The following FCGR1A variants were observed in gnomAD, a reference collection of about 807,000 sequenced individuals.
The protein encoded by FCGR1A is high affinity immunoglobulin gamma Fc receptor I.
Under a neutral mutation model 35.0 loss-of-function variants are expected in FCGR1A, and 13 were observed. The ratio of observed to expected loss-of-function variants is 0.37; its 90% CI spans 0.24 to 0.59. FCGR1A has a LOEUF of 0.59. FCGR1A is among the 20% of genes least tolerant of loss of function. The pLI is 0.71. For synonymous variants in FCGR1A, 91 were observed against 164.7 expected, an observed-to-expected ratio of 0.55 and a Z score of 3.43; for missense variants, 227 against 430.0, an observed-to-expected ratio of 0.53 and a Z score of 4.17.
At chr1:149,796,264 G>C (rs1396312488), downstream of FCGR1A, among the ~76,000 whole-genome samples, 4 of 152,292 alleles carry the variant, frequency 2.6e-5, no homozygotes, top group Non-Finnish European at 4.4e-5. Flanking sequence ...GAGCATATGT[G>C]AAAGTAAAAG....
chr1:149,789,975 G>A, intron 4 of FCGR1A, 79 bp from the exon 5 acceptor site: 1 of 1,612,352 alleles, frequency 6.2e-7, no homozygotes, highest in Non-Finnish European at 8.5e-7. Context: ...GTTTCCCAAG[G>A]GGGTAAAGGG....
Position 149,788,373 on chromosome 1 carries a change from A to G in FCGR1A, c.315A>G (p.Leu105=), listed in dbSNP as rs147688465. 1 of 1,612,786 alleles carries G rather than the reference A, an allele frequency of 6.2e-7. No individual in the cohort carries two copies. The highest frequency in any genetic ancestry group is 2.2e-5 in the East Asian group (1 of 44,876). ...TGGGTTCATATTTTTCAGGCTGGCT[A>G]CTACTGCAGGTCTCCAGCAGAGTCT... The part of the protein sequence containing the change: ...PIQLEIHRGW[L]LLQVSSRVFT... The change falls in exon 4 of 6, where the codon CTA becomes CTG. Residue 105 remains leucine, a synonymous_variant. Coordinates refer to ENST00000369168, the MANE Select transcript of FCGR1A (RefSeq NM_000566.4).
At position 149,787,262 on chromosome 1, in the gene FCGR1A, A is replaced by AT. The variant is rs2091577191; in HGVS notation, c.308-1103dup. The AT allele has an allele frequency of 2.6e-5, 4 of 152,360 alleles. No individual in the cohort carries two copies. In the South Asian group the frequency reaches 6.2e-4, roughly 24 times the overall value. 9.4% of individuals were successfully genotyped at this position (152,360 alleles called of 1,614,324 possible). A position where few individuals can be genotyped will look rare whatever the true frequency, so the allele number is the denominator to read the frequency against. On this transcript the variant is annotated intron_variant, in intron 3 of 5. Transcript: ENST00000369168. ...AGAAACACCTGCCTTCCATTCTTAGATAAGTTCTGGAGGGGGAAAAGGCAC... is the reference window on the plus strand; with the variant it reads ...AGAAACACCTGCCTTCCATTCTTAGATTAAGTTCTGGAGGGGGAAAAGGCAC...
downstream of FCGR1A, among the ~76,000 whole-genome samples, chr1:149,795,764 T>TA (rs1194963788): frequency 6.6e-6 from 1 of 150,800 alleles, no homozygotes; most frequent in African/African-American, 2.5e-5. Flanking sequence ...AGGCCGCTTA[T>TA]AAAAACCCCA....
chr1:149,791,215 T>A, intron 5 of FCGR1A, 22 bp from the exon 6 acceptor site: 1 of 1,583,906 alleles, frequency 6.3e-7, no homozygotes, highest in South Asian at 1.1e-5. Flanking sequence ...GTATCTCTTC[T>A]CTTTGTCTTT....
At chr1:149,793,137 C>G (rs1397544059), downstream of FCGR1A, 3 of 1,274,972 alleles carry the variant, frequency 2.4e-6, no homozygotes, top group Non-Finnish European at 3.0e-6. Flanking sequence ...CCGGCCGAGC[C>G]TCCGCGGAGA....
In FCGR1A at chr1:149,784,169, C is replaced by T. The variant is rs2091477297; in HGVS notation, c.219C>T (p.Thr73=). Reference sequence around the variant, plus strand: ...CCTCGACCCCCAGCTACAGAATCACCTCTGCCAGTGTCAATGACAGTGGTG... The same window carrying T: ...CCTCGACCCCCAGCTACAGAATCACTTCTGCCAGTGTCAATGACAGTGGTG... ...TQTSTPSYRI[T]SASVNDSGEY... is the part of the protein sequence containing the mutation. The change falls in exon 3 of 6, where the codon ACC becomes ACT. Residue 73 remains threonine (T), a synonymous_variant. Coordinates refer to ENST00000369168, the MANE Select transcript of FCGR1A (RefSeq NM_000566.4). The T allele has an allele frequency of 1.9e-6, 3 of 1,611,582 alleles. No homozygotes were observed. Among genetic ancestry groups the T allele is most frequent in the Middle Eastern group, 2.3e-4 (1 of 4,430 alleles).
In FCGR1A at chr1:149,790,187, G is replaced by A; in HGVS notation, c.693G>A (p.Met231Ile). 6.2e-7 allele frequency: 1 copy of A among 1,613,858 alleles called. No homozygotes were observed. The highest frequency in any genetic ancestry group is 2.2e-5 in the East Asian group (1 of 44,884). The change falls in exon 5 of 6, where the codon ATG (methionine) becomes ATA (isoleucine). Residue 231 changes from methionine to isoleucine, a missense_variant. Transcript: ENST00000369168. ...TGCAGCTTTACTTCTCCTTCTACAT[G>A]GGCAGCAAGACCCTGCGAGGCAGGA... ...PGLQLYFSFY[M>I]GSKTLRGRNT...
chr1:149,791,605 A>G lies in FCGR1A; in HGVS notation c.*88A>G, dbSNP rs2091715085. The G allele has an allele frequency of 6.5e-7, 1 of 1,547,510 alleles. No individual in the cohort carries two copies. The highest frequency in any genetic ancestry group is 8.7e-7 in the Non-Finnish European group (1 of 1,151,394). On this transcript the variant is annotated 3_prime_UTR_variant, in exon 6 of 6. Transcript: ENST00000369168. ...CTGCGTACAAACATCCAAAAGTTCAACAACACCAGAACTGTGTGTCTCATG... is the reference window on the plus strand; with the variant it reads ...CTGCGTACAAACATCCAAAAGTTCAGCAACACCAGAACTGTGTGTCTCATG...
chr1:149,786,568 A>G (rs1240343729), intron 3 of FCGR1A: 2 of 152,180 alleles, frequency 1.3e-5, no homozygotes, highest in Non-Finnish European at 2.9e-5. Context: ...TTTAATCAGT[A>G]TATGCTAAGA....
At chr1:149,793,854 C>T (rs1421554017), downstream of FCGR1A, 5 of 1,267,470 alleles carry the variant, frequency 3.9e-6, no homozygotes, top group Non-Finnish European at 5.1e-6. Flanking sequence ...ATCCCCAAAG[C>T]AGACCAACCG....
chr1:149,788,246 T>G (rs1553751046), intron 3 of FCGR1A, 120 bp from the exon 4 acceptor site: 1 of 1,607,276 alleles, frequency 6.2e-7, no homozygotes, highest in Non-Finnish European at 8.5e-7. Flanking sequence ...GGCCTGAGAT[T>G]TGGCAGAGCT....
At chr1:149,796,944 G>A in the FCGR1A span, among the ~76,000 whole-genome samples, 55 of 152,180 alleles carry the variant, frequency 3.6e-4, no homozygotes, top group Middle Eastern at 0.017. Flanking sequence ...ACAGAGTTTC[G>A]TTGTGTCACC....
intron 5 of FCGR1A, among the ~76,000 whole-genome samples, chr1:149,790,656 A>AC (rs1468060097): frequency 4.2e-5 from 5 of 118,670 alleles, no homozygotes; most frequent in Admixed American, 2.8e-4. Context: ...CCACTCCATG[A>AC]CCCCCCCTTC....
At chr1:149,784,550 AATT>A (rs1470140257) in intron 3 of FCGR1A, among the ~76,000 whole-genome samples, 44 of 152,024 alleles carry the variant, frequency 2.9e-4, no homozygotes, top group African/African-American at 1.1e-3. Context: ...AAATAATAAT[AATT>A]CAAACAAATG....
downstream of FCGR1A, chr1:149,792,086 G>GGGTA (rs782814826): frequency 0.041 from 5,927 of 144,866 alleles, 101 homozygotes; most frequent in East Asian, 0.099. Flanking sequence ...GCATACAAGG[G>GGGTA]GGTAACTCAT....
intron 4 of FCGR1A, 30 bp from the exon 5 acceptor site, chr1:149,790,024 A>T (rs1487484678): frequency 6.2e-7 from 1 of 1,611,620 alleles, no homozygotes; most frequent in Non-Finnish European, 8.5e-7. Context: ...CTAAACAGGC[A>T]ACCTTGTCCC....
chr1:149,791,943 GGAAA>G (rs587617214), downstream of FCGR1A: 861 of 180,334 alleles, frequency 4.8e-3, 6 homozygotes, highest in African/African-American at 0.026. Context: ...CAATAAGGAA[GGAAA>G]TAGTACTTAC....
chr1:149,796,551 T>C (rs1186366262), downstream of FCGR1A, among the ~76,000 whole-genome samples: 1 of 152,214 alleles, frequency 6.6e-6, no homozygotes, highest in Non-Finnish European at 1.5e-5. Flanking sequence ...CCATCTTTAT[T>C]TTAGAAAATA....
Sources: allele counts gnomAD v4.1 joint callset (sites outside exome capture counted in the v4.1 genomes callset), GRCh38; gene constraint gnomAD v4.1.1; transcripts MANE v1.5; gene names NCBI Gene and HGNC (gene_info 2026-07-23, HGNC 2026-07-21).